The following TSKS variants were observed in gnomAD, a reference collection of about 807,000 sequenced individuals.
TSKS encodes testis specific serine kinase substrate, also known as testis-specific serine kinase substrate.
Under a neutral mutation model 68.0 loss-of-function variants are expected in TSKS, and 27 were observed. That is an observed-to-expected ratio of 0.40 (90% CI 0.29 to 0.55). TSKS has a LOEUF of 0.55. Among genes scored for constraint, TSKS ranks in the 20% least tolerant of loss-of-function variants. The probability of loss-of-function intolerance (pLI) is 0.53; values close to 1 mark genes in which losing one functional copy is unlikely to be tolerated. For synonymous variants in TSKS, 331 were observed against 340.4 expected, an observed-to-expected ratio of 0.97 and a Z score of 0.30; for missense variants, 806 against 776.0, an observed-to-expected ratio of 1.04 and a Z score of -0.46.
In TSKS at chr19:49,763,024, T is replaced by C. The variant is rs77794933; in HGVS notation, c.170+54A>G. ...CACCCACAGTCGGACTCCTGCTCTG[T>C]TGGAGGTAGTGCTGGGCATTAGAAC... On this transcript the variant is annotated intron_variant, in intron 1 of 10. Transcript: ENST00000246801. This position sits in a 1 kb window ranked among gnomAD's most constrained non-coding sequence, Gnocchi z 4.5. 4.5e-3 allele frequency: 7,111 copies of C among 1,566,292 alleles called. 24 individuals are homozygous for C. The highest frequency in any genetic ancestry group is 5.8e-3 in the Non-Finnish European group (6,662 of 1,157,520).
At chr19:49,762,305 C>G in intron 1 of TSKS, 73 bp from the exon 2 acceptor site, 1 of 1,128,442 alleles carries the variant, frequency 8.9e-7, no homozygotes, top group Non-Finnish European at 1.3e-6. Context: ...CTTCCTTTCT[C>G]CATACCTCAC....
Position 49,740,181 on chromosome 19 carries a change from C to A in TSKS, c.1500G>T (p.Glu500Asp). ...GTTTGGCTAAGGCCTGGCGCTCCAG[C>A]TCCTGGGGAGAGGAGCGTAGGCGTA... ...SCQRLHKKIL[E>D]LERQALAKHV... Residue 500 changes from glutamate (E) to aspartate (D), a missense_variant and splice_region_variant, in exon 10 of 11, where the codon GAG becomes GAT. Glu to Asp is a conservative substitution (Grantham distance 45). Transcript: ENST00000246801. 6.2e-7 allele frequency: 1 copy of A among 1,611,678 alleles called. No homozygotes were observed. The highest frequency in any genetic ancestry group is 8.5e-7 in the Non-Finnish European group (1 of 1,179,488).
chr19:49,747,915 GC>G (rs1213549791), intron 4 of TSKS, among the ~76,000 whole-genome samples, 169 bp downstream of exon 4: 1 of 152,026 alleles, frequency 6.6e-6, no homozygotes, highest in Non-Finnish European at 1.5e-5. Flanking sequence ...CACCATGTTG[GC>G]CAGGCTGGTC....
chr19:49,756,934 C>A (rs925956012), intron 2 of TSKS, among the ~76,000 whole-genome samples: 3 of 152,188 alleles, frequency 2.0e-5, no homozygotes, highest in Non-Finnish European at 2.9e-5. Flanking sequence ...GTGGTGCACA[C>A]CTGTAATGCC....
chr19:49,744,680 T>TC (rs984764558), intron 7 of TSKS, among the ~76,000 whole-genome samples: 27 of 152,188 alleles, frequency 1.8e-4, no homozygotes, highest in Middle Eastern at 3.4e-3. Context: ...ACTCCTGGGC[T>TC]CAAGCGATCA....
At chr19:49,750,617 C>G (rs2084342051) in intron 2 of TSKS, among the ~76,000 whole-genome samples, 1 of 152,106 alleles carries the variant, frequency 6.6e-6, no homozygotes, top group Admixed American at 6.5e-5. Flanking sequence ...CCTCTGCCAG[C>G]TGTTTATGAC....
chr19:49,752,491 G>A (rs945592118), intron 2 of TSKS, among the ~76,000 whole-genome samples: 1 of 152,162 alleles, frequency 6.6e-6, no homozygotes, highest in Non-Finnish European at 1.5e-5. Flanking sequence ...CAAAAGCTGA[G>A]CAGATGTTGG....
intron 9 of TSKS, among the ~76,000 whole-genome samples, chr19:49,741,419 G>T (rs2084251151): frequency 6.6e-6 from 1 of 152,094 alleles, no homozygotes; most frequent in Admixed American, 6.6e-5. Flanking sequence ...AGTGTGTTGT[G>T]CAATGCCCCA....
chr19:49,744,124 C>T (rs1402525824), intron 8 of TSKS, 107 bp downstream of exon 8: 5 of 1,206,116 alleles, frequency 4.1e-6, no homozygotes, highest in Non-Finnish European at 5.9e-6. Flanking sequence ...GATACCTTGT[C>T]TCCCAAAATG....
intron 2 of TSKS, among the ~76,000 whole-genome samples, chr19:49,760,575 T>G (rs1040768832): frequency 6.6e-6 from 1 of 151,322 alleles, no homozygotes; most frequent in Non-Finnish European, 1.5e-5. Context: ...GACCTCATGA[T>G]CCACCCGCCT....
chr19:49,746,339 C>T lies in TSKS; in HGVS notation c.992+131G>A, dbSNP rs530549414. 4.1e-5 allele frequency: 45 copies of T among 1,094,874 alleles called. No individual in the cohort carries two copies. In the African/African-American group the frequency reaches 4.9e-4, roughly 12 times the overall value. 67.8% of individuals were successfully genotyped at this position (1,094,874 alleles called of 1,614,324 possible). A position where few individuals can be genotyped will look rare whatever the true frequency, so the allele number is the denominator to read the frequency against. On this transcript the variant is annotated intron_variant, in intron 6 of 10. Transcript: ENST00000246801. ...CACCTCAGGTCCCCGAGGCTCCACC[C>T]ATGTCACCGCCCACCTCAGCTACTT... is the stretch of plus-strand genomic sequence containing the variant.
intron 7 of TSKS, among the ~76,000 whole-genome samples, chr19:49,744,659 T>C (rs749498203): frequency 1.3e-5 from 2 of 152,102 alleles, no homozygotes; most frequent in African/African-American, 2.4e-5. Context: ...CATAGCTCTC[T>C]GAAGCTTTGA....
At chr19:49,758,016 G>A (rs868516370) in intron 2 of TSKS, among the ~76,000 whole-genome samples, 13 of 149,532 alleles carry the variant, frequency 8.7e-5, no homozygotes, top group African/African-American at 2.7e-4. Flanking sequence ...TCAGCCTCCC[G>A]AGTAGCTGGG....
intron 4 of TSKS, 105 bp from the exon 5 acceptor site, chr19:49,747,577 A>G (rs2084313767): frequency 9.1e-7 from 1 of 1,099,270 alleles, no homozygotes; most frequent in African/African-American, 1.5e-5. Flanking sequence ...CTAGCCCCCC[A>G]GTACAAGACA....
rs367990075 is a variant in TSKS at position 49,747,479 on chromosome 19, C to G, written c.580-7G>C. On this transcript the variant is annotated splice_region_variant and splice_polypyrimidine_tract_variant and intron_variant, in intron 4 of 10. Coordinates refer to ENST00000246801, the MANE Select transcript of TSKS (RefSeq NM_021733.2). ...TCACCTTCCAGCAGTTCTCCTGGGT[C>G]AGACACCAGGGCGAGGGCCCTGCCT... The G allele has an allele frequency of 1.2e-6, 2 of 1,614,044 alleles. No homozygotes were observed. The highest frequency in any genetic ancestry group is 4.5e-5 in the East Asian group (2 of 44,874).
Position 49,746,607 on chromosome 19 carries a change from C to T in TSKS, c.855G>A (p.Pro285=), listed in dbSNP as rs1568562122. Residue 285 remains proline (P), a synonymous_variant, in exon 6 of 11, where the codon CCG becomes CCA. Coordinates refer to ENST00000246801, the MANE Select transcript of TSKS (RefSeq NM_021733.2). ...GCGAGGGTTTGTCGGGACTCCCTGG[C>T]GGGCCGGGGCAGCCCTGGGACGTGG... The part of the protein sequence containing the change: ...PAATSQGCPG[P]PGSPDKPSRP... 4 of 1,611,188 alleles carry T rather than the reference C, an allele frequency of 2.5e-6. No individual in the cohort carries two copies. Among genetic ancestry groups the T allele is most frequent in the East Asian group, 4.5e-5 (2 of 44,854 alleles).
At chr19:49,759,938 A>C (rs1490258774) in intron 2 of TSKS, among the ~76,000 whole-genome samples, 2 of 150,630 alleles carry the variant, frequency 1.3e-5, no homozygotes, top group Non-Finnish European at 1.5e-5. Flanking sequence ...CGGTCATCTG[A>C]GGTCAGGAGT....
At chr19:49,750,700 T>C (rs1160351554) in intron 2 of TSKS, among the ~76,000 whole-genome samples, 1 of 152,152 alleles carries the variant, frequency 6.6e-6, no homozygotes, top group Non-Finnish European at 1.5e-5. Flanking sequence ...TCTTCCCCTG[T>C]TCCCCCTGCT....
At position 49,744,316 on chromosome 19, in the gene TSKS, G is replaced by A; in HGVS notation, c.1276C>T (p.Arg426Trp). The A allele has an allele frequency of 6.2e-7, 1 of 1,614,010 alleles. No homozygotes were observed. The highest frequency in any genetic ancestry group is 1.1e-5 in the South Asian group (1 of 91,080). Residue 426 changes from arginine (R) to tryptophan (W), a missense_variant, in exon 8 of 11, where the codon CGG becomes TGG. Arg to Trp is a moderately radical substitution (Grantham distance 101). Transcript: ENST00000246801. The part of the protein sequence containing the change: ...PLKPILEEFG[R>W]QFQNSRRGPD... Reference sequence around the variant, plus strand: ...CCTCTTCGAGAGTTCTGAAATTGCCGCCCGAACTCCTCCAGAATGGGTTTC... The same window carrying A: ...CCTCTTCGAGAGTTCTGAAATTGCCACCCGAACTCCTCCAGAATGGGTTTC...
Sources: allele counts gnomAD v4.1 joint callset (sites outside exome capture counted in the v4.1 genomes callset), GRCh38; gene constraint gnomAD v4.1.1; non-coding constraint Gnocchi (gnomAD v3.1); transcripts MANE v1.5; gene names NCBI Gene and HGNC (gene_info 2026-07-23, HGNC 2026-07-21).